MRPS27: variants seen among roughly 807,000 people sequenced by gnomAD.
MRPS27 encodes mitochondrial ribosomal protein S27, also known as small ribosomal subunit protein mS27.
MRPS27 carries 43 observed loss-of-function variants against 48.9 expected under a neutral mutation model. The ratio of observed to expected loss-of-function variants is 0.88; its 90% CI spans 0.69 to 1.13. MRPS27 has a LOEUF of 1.13. Among genes scored for constraint, MRPS27 ranks in the 50% most tolerant of loss-of-function variants. The probability of loss-of-function intolerance (pLI) is 0.00; values close to 1 mark genes in which losing one functional copy is unlikely to be tolerated. For synonymous variants in MRPS27, 188 were observed against 171.9 expected (o/e 1.09, Z -0.73); for missense variants, 467 against 476.3 (o/e 0.98, Z 0.18).
intron 4 of MRPS27, among the ~76,000 whole-genome samples, chr5:72,249,945 C>T (rs1748614898): frequency 6.6e-6 from 1 of 152,088 alleles, no homozygotes; most frequent in South Asian, 2.1e-4. Flanking sequence ...GATCACGCCA[C>T]TGCACTCCAG....
intron 4 of MRPS27, among the ~76,000 whole-genome samples, chr5:72,240,558 T>C (rs1748322736): frequency 6.6e-6 from 1 of 152,152 alleles, no homozygotes; most frequent in African/African-American, 2.4e-5. Context: ...ACTAAAGTTG[T>C]AACTTTTTTT....
intron 8 of MRPS27, among the ~76,000 whole-genome samples, chr5:72,226,850 T>C (rs1747914032): frequency 6.6e-6 from 1 of 152,172 alleles, no homozygotes; most frequent in Admixed American, 6.6e-5. Context: ...ATGTGGATGC[T>C]AGACAGCAGG....
At chr5:72,269,461 G>A (rs1259924381) in intron 4 of MRPS27, among the ~76,000 whole-genome samples, 1 of 152,208 alleles carries the variant, frequency 6.6e-6, no homozygotes, top group African/African-American at 2.4e-5. Context: ...AATGGAGGCT[G>A]AGCAAAGAAT....
chr5:72,273,086 T>C (rs1749288187), intron 4 of MRPS27, among the ~76,000 whole-genome samples: 1 of 152,192 alleles, frequency 6.6e-6, no homozygotes, highest in Non-Finnish European at 1.5e-5. Flanking sequence ...ATCCAGCATT[T>C]TACTCCCATT....
intron 4 of MRPS27, among the ~76,000 whole-genome samples, chr5:72,249,197 A>T (rs1371545069): frequency 6.6e-6 from 1 of 152,220 alleles, no homozygotes; most frequent in Non-Finnish European, 1.5e-5. Context: ...CAGAGAGAAT[A>T]GTTCTACTTC....
chr5:72,244,288 A>G (rs1748447673), intron 4 of MRPS27, among the ~76,000 whole-genome samples: 1 of 152,196 alleles, frequency 6.6e-6, no homozygotes. Flanking sequence ...GCAGCATAAC[A>G]ACACATTTTT....
At chr5:72,268,092 TG>T (rs1749146084) in intron 4 of MRPS27, among the ~76,000 whole-genome samples, 1 of 152,184 alleles carries the variant, frequency 6.6e-6, no homozygotes, top group South Asian at 2.1e-4. Flanking sequence ...TTCCCCTCCT[TG>T]GTTTCAAACC....
chr5:72,263,882 A>G (rs139152085), intron 4 of MRPS27, among the ~76,000 whole-genome samples: 1 of 152,296 alleles, frequency 6.6e-6, no homozygotes, highest in East Asian at 1.9e-4. Context: ...GGACCCAAAA[A>G]TTCTATTCCT....
At chr5:72,283,548 G>A (rs1749584773) in intron 4 of MRPS27, among the ~76,000 whole-genome samples, 1 of 152,154 alleles carries the variant, frequency 6.6e-6, no homozygotes, top group Admixed American at 6.5e-5. Context: ...AAGTTGGCAG[G>A]ACTTCAGAGG....
intron 5 of MRPS27, among the ~76,000 whole-genome samples, chr5:72,234,546 T>C (rs1305258591): frequency 2.0e-5 from 3 of 152,070 alleles, no homozygotes; most frequent in Admixed American, 1.3e-4. Context: ...ACTCTTCTTA[T>C]AAAGTATGAA....
At chr5:72,254,693 A>G (rs1748750832) in intron 4 of MRPS27, among the ~76,000 whole-genome samples, 1 of 152,194 alleles carries the variant, frequency 6.6e-6, no homozygotes, top group Non-Finnish European at 1.5e-5. Flanking sequence ...AGCAAATATG[A>G]GTGAACTTTT....
At chr5:72,288,114 C>T (rs1250070213) in intron 4 of MRPS27, among the ~76,000 whole-genome samples, 1 of 152,096 alleles carries the variant, frequency 6.6e-6, no homozygotes, top group Admixed American at 6.5e-5. Context: ...CAAAAAAATA[C>T]CTTGAAGGTT....
At chr5:72,306,482 A>C (rs1336624225) in intron 2 of MRPS27, among the ~76,000 whole-genome samples, 2 of 152,200 alleles carry the variant, frequency 1.3e-5, no homozygotes, top group Admixed American at 6.5e-5. Context: ...AGCACGCTAA[A>C]CACCACAATA....
At chr5:72,258,928 A>C (rs1261336676) in intron 4 of MRPS27, among the ~76,000 whole-genome samples, 1 of 152,188 alleles carries the variant, frequency 6.6e-6, no homozygotes, top group Non-Finnish European at 1.5e-5. Context: ...ATCCATATGT[A>C]CTATGGCCTC....
At chr5:72,261,559 G>T (rs1300941238) in intron 4 of MRPS27, among the ~76,000 whole-genome samples, 2 of 151,666 alleles carry the variant, frequency 1.3e-5, no homozygotes, top group African/African-American at 4.8e-5. Flanking sequence ...ATGCTATCCT[G>T]CACTTTTGTA....
At chr5:72,286,196 C>T (rs1435324150) in intron 4 of MRPS27, among the ~76,000 whole-genome samples, 1 of 151,876 alleles carries the variant, frequency 6.6e-6, no homozygotes, top group Non-Finnish European at 1.5e-5. Flanking sequence ...GTGTATATAC[C>T]TAAATATGTA....
At chr5:72,308,342 G>A (rs1455093650) in intron 2 of MRPS27, among the ~76,000 whole-genome samples, 1 of 152,222 alleles carries the variant, frequency 6.6e-6, no homozygotes, top group Admixed American at 6.5e-5. Flanking sequence ...ACACCCACAC[G>A]CCGCAGTGTC....
intron 2 of MRPS27, among the ~76,000 whole-genome samples, chr5:72,309,768 A>G (rs1268673845): frequency 1.3e-5 from 2 of 152,196 alleles, no homozygotes; most frequent in African/African-American, 4.8e-5. Context: ...ACTTCACTGC[A>G]CTTTGCTTAT....
chr5:72,260,386 G>A (rs1181532256), intron 4 of MRPS27, among the ~76,000 whole-genome samples: 1 of 152,126 alleles, frequency 6.6e-6, no homozygotes, highest in African/African-American at 2.4e-5. Context: ...GTATTTCCTA[G>A]GTTATATTTT....
Sources: allele counts gnomAD v4.1 joint callset (sites outside exome capture counted in the v4.1 genomes callset), GRCh38; gene constraint gnomAD v4.1.1; transcripts MANE v1.5; gene names NCBI Gene and HGNC (gene_info 2026-07-23, HGNC 2026-07-21).